The following WNT1 variants were observed in gnomAD, a reference collection of about 807,000 sequenced individuals.
WNT1 encodes the protein proto-oncogene Wnt-1.
WNT1 carries 10 observed loss-of-function variants against 21.3 expected under a neutral mutation model. That is an observed-to-expected ratio of 0.47 (90% CI 0.29 to 0.80). The LOEUF (loss-of-function observed/expected upper bound fraction) is 0.80. WNT1 is among the 30% of genes least tolerant of loss of function. WNT1 has a pLI of 0.09. For synonymous variants in WNT1, 208 were observed against 236.3 expected (o/e 0.88, Z 1.10); for missense variants, 476 against 534.1 (o/e 0.89, Z 1.07).
chr12:48,981,661 C>T lies in WNT1; in HGVS notation c.*21C>T, dbSNP rs1259352559. On this transcript the variant is annotated 3_prime_UTR_variant, in exon 4 of 4. Transcript: ENST00000293549. This position sits in a 1 kb window ranked among gnomAD's most constrained non-coding sequence, Gnocchi z 7.4. ...TGTGAGGCGCTGCGCGGACTCGCCC[C>T]CAGGAACGCTCTCCTCGAGCCCTCC... 1 of 1,426,092 alleles carries T rather than the reference C, an allele frequency of 7.0e-7. No individual in the cohort carries two copies. Among genetic ancestry groups the T allele is most frequent in the Non-Finnish European group, 9.1e-7 (1 of 1,094,216 alleles). 88.3% of individuals were successfully genotyped at this position (1,426,092 alleles called of 1,614,324 possible).
In WNT1 at chr12:48,981,301, C is replaced by T. The variant is rs760420626; in HGVS notation, c.774C>T (p.Tyr258=). 6.3e-7 allele frequency: 1 copy of T among 1,582,278 alleles called. No individual in the cohort carries two copies. The highest frequency in any genetic ancestry group is 1.4e-5 in the African/African-American group (1 of 73,464). The stretch of plus-strand genomic sequence containing the variant: ...TCGACGGCGCCTCGCGCGTCCTGTA[C>T]GGCAACCGCGGCAGCAACCGCGCTT... ...DRFDGASRVL[Y]GNRGSNRASR... Residue 258 remains tyrosine (Y), a synonymous_variant, in exon 4 of 4, where the codon TAC becomes TAT. Coordinates refer to ENST00000293549, the MANE Select transcript of WNT1 (RefSeq NM_005430.4). This position sits in a 1 kb window ranked among gnomAD's most constrained non-coding sequence, Gnocchi z 7.4.
chr12:48,979,558 C>A lies in WNT1; in HGVS notation c.195C>A (p.Ser65Arg). The change falls in exon 2 of 4, where the codon AGC (serine) becomes AGA (arginine). Residue 65 changes from serine (S) to arginine (R), a missense_variant. Ser to Arg is a moderately radical substitution (Grantham distance 110, BLOSUM62 -1). Coordinates refer to ENST00000293549, the MANE Select transcript of WNT1 (RefSeq NM_005430.4). This position sits in a 1 kb window ranked among gnomAD's most constrained non-coding sequence, Gnocchi z 6.0. ...LVLEPSLQLL[S>R]RKQRRLIRQN... The stretch of plus-strand genomic sequence containing the variant: ...TCGAGCCCAGTCTGCAGCTGTTGAG[C>A]CGCAAACAGCGGCGTCTGATACGCC... 1 of 1,614,130 alleles carries A rather than the reference C, an allele frequency of 6.2e-7. No homozygotes were observed. Among genetic ancestry groups the A allele is most frequent in the South Asian group, 1.1e-5 (1 of 91,092 alleles).
rs1940983403 is a variant in WNT1, at chr12:48,979,606, C to A, written c.243C>A (p.Ser81Arg). ...GCCAAAATCCGGGGATCCTGCACAG[C>A]GTGAGTGGGGGGCTGCAGAGTGCCG... ...LIRQNPGILH[S>R]VSGGLQSAVR... Residue 81 changes from serine to arginine, a missense_variant, in exon 2 of 4, where the codon AGC (serine) becomes AGA (arginine). Coordinates refer to ENST00000293549, the MANE Select transcript of WNT1 (RefSeq NM_005430.4). This position sits in a 1 kb window ranked among gnomAD's most constrained non-coding sequence, Gnocchi z 6.0. 1 of 1,613,974 alleles carries A rather than the reference C, an allele frequency of 6.2e-7. No individual in the cohort carries two copies. Among genetic ancestry groups the A allele is most frequent in the Admixed American group, 1.7e-5 (1 of 60,014 alleles).
Position 48,981,815 on chromosome 12 carries a change from T to G in WNT1, c.*175T>G. 1.1e-6 allele frequency: 1 copy of G among 921,630 alleles called. No individual in the cohort carries two copies. 57.1% of individuals were successfully genotyped at this position (921,630 alleles called of 1,614,324 possible). ...CCTACCTGGGGACTCCTCAAACCAC[T>G]TGCCTGGGGCGGCATGAACCCTCTT... On this transcript the variant is annotated 3_prime_UTR_variant, in exon 4 of 4. Coordinates refer to ENST00000293549, the MANE Select transcript of WNT1 (RefSeq NM_005430.4). The surrounding 1 kb of genome is among the most constrained non-coding windows in gnomAD (Gnocchi z 7.4).
In WNT1 at chr12:48,981,115, G is replaced by C; in HGVS notation, c.625-37G>C. On this transcript the variant is annotated intron_variant, in intron 3 of 3. Transcript: ENST00000293549. This position sits in a 1 kb window ranked among gnomAD's most constrained non-coding sequence, Gnocchi z 7.4. Reference sequence around the variant, plus strand: ...TGTCTGGGAGGGTGACTCTGGCCCGGTGCCCTGGGACACTCTTTCTTCCCC... The same window carrying C: ...TGTCTGGGAGGGTGACTCTGGCCCGCTGCCCTGGGACACTCTTTCTTCCCC... The C allele has an allele frequency of 6.2e-7, 1 of 1,604,152 alleles. No individual in the cohort carries two copies. The highest frequency in any genetic ancestry group is 8.5e-7 in the Non-Finnish European group (1 of 1,175,948).
At position 48,981,917 on chromosome 12, in the gene WNT1, T is replaced by G. The variant is rs894893088; in HGVS notation, c.*277T>G. On this transcript the variant is annotated 3_prime_UTR_variant, in exon 4 of 4. Coordinates refer to ENST00000293549, the MANE Select transcript of WNT1 (RefSeq NM_005430.4). This position sits in a 1 kb window ranked among gnomAD's most constrained non-coding sequence, Gnocchi z 7.4. ...ACCCCTTGTTGCACTGCCCCCTGCT[T>G]GGCCAGGAGGTGAGAGAAGGATGGG... Among the ~76,000 whole-genome samples, 1 of 152,192 alleles carries G rather than the reference T, an allele frequency of 6.6e-6. No homozygotes were observed. The highest frequency in any genetic ancestry group is 2.4e-5 in the African/African-American group (1 of 41,452).
In WNT1 at chr12:48,979,699, C is replaced by T. The variant is rs1196449312; in HGVS notation, c.336C>T (p.Leu112=). 1.9e-6 allele frequency: 3 copies of T among 1,595,588 alleles called. No individual in the cohort carries two copies. Among genetic ancestry groups the T allele is most frequent in the Non-Finnish European group, 2.6e-6 (3 of 1,166,534 alleles). ...WNCPTAPGPH[L]FGKIVNRGCR... Reference sequence around the variant, plus strand: ...GTCCCACTGCTCCAGGGCCCCACCTCTTCGGCAAGATCGTCAACCGAGGTG... The same window carrying T: ...GTCCCACTGCTCCAGGGCCCCACCTTTTCGGCAAGATCGTCAACCGAGGTG... Residue 112 remains leucine (L), a synonymous_variant, in exon 2 of 4, where the codon CTC becomes CTT. Coordinates refer to ENST00000293549, the MANE Select transcript of WNT1 (RefSeq NM_005430.4). The surrounding 1 kb of genome is among the most constrained non-coding windows in gnomAD (Gnocchi z 6.0).
At position 48,981,134 on chromosome 12, in the gene WNT1, C is replaced by T. The variant is rs1565721785; in HGVS notation, c.625-18C>T. The T allele has an allele frequency of 3.7e-6, 6 of 1,609,562 alleles. No homozygotes were observed. The highest frequency in any genetic ancestry group is 2.3e-5 in the East Asian group (1 of 44,424). ...GGCCCGGTGCCCTGGGACACTCTTT[C>T]TTCCCCTATCCCCGCAGACCGTATT... On this transcript the variant is annotated intron_variant, in intron 3 of 3. Coordinates refer to ENST00000293549, the MANE Select transcript of WNT1 (RefSeq NM_005430.4). The surrounding 1 kb of genome is among the most constrained non-coding windows in gnomAD (Gnocchi z 7.4).
Position 48,981,228 on chromosome 12 carries a change from T to C in WNT1, c.701T>C (p.Met234Thr). ...TCATGCACGGTGCGCACGTGCTGGA[T>C]GCGGCTGCCCACGCTGCGCGCCGTG... ...SGSCTVRTCW[M>T]RLPTLRAVGD... The change falls in exon 4 of 4, where the codon ATG (methionine) becomes ACG (threonine). Residue 234 changes from methionine to threonine, a missense_variant. Coordinates refer to ENST00000293549, the MANE Select transcript of WNT1 (RefSeq NM_005430.4). The surrounding 1 kb of genome is among the most constrained non-coding windows in gnomAD (Gnocchi z 7.4). 6.2e-7 allele frequency: 1 copy of C among 1,611,076 alleles called. No individual in the cohort carries two copies.
At position 48,979,759 on chromosome 12, in the gene WNT1, G is replaced by A; in HGVS notation, c.358+38G>A. The A allele has an allele frequency of 6.5e-7, 1 of 1,544,860 alleles. No homozygotes were observed. On this transcript the variant is annotated intron_variant, in intron 2 of 3. Coordinates refer to ENST00000293549, the MANE Select transcript of WNT1 (RefSeq NM_005430.4). This position sits in a 1 kb window ranked among gnomAD's most constrained non-coding sequence, Gnocchi z 6.0. Reference sequence around the variant, plus strand: ...GAAGGCGACGCTTCCGGGAGCAGGGGAAACGCGGGGTCACCCCCAGGGCAT... The same window carrying A: ...GAAGGCGACGCTTCCGGGAGCAGGGAAAACGCGGGGTCACCCCCAGGGCAT...
chr12:48,981,170 C>A lies in WNT1; in HGVS notation c.643C>A (p.Arg215Ser). ...AGRTTVFSEMRQECKCHGMSG... is the reference protein window; with the variant it reads ...AGRTTVFSEMSQECKCHGMSG... ...CCCGCAGACCGTATTCTCCGAGATG[C>A]GCCAGGAGTGCAAGTGCCACGGGAT... is the stretch of plus-strand genomic sequence containing the variant. Residue 215 changes from arginine (R) to serine (S), a missense_variant, in exon 4 of 4, where the codon CGC becomes AGC. Transcript: ENST00000293549. This position sits in a 1 kb window ranked among gnomAD's most constrained non-coding sequence, Gnocchi z 7.4. The A allele has an allele frequency of 1.2e-6, 2 of 1,612,212 alleles. No homozygotes were observed. Among genetic ancestry groups the A allele is most frequent in the Non-Finnish European group, 1.7e-6 (2 of 1,179,588 alleles).
In WNT1 at chr12:48,980,333, CGG is replaced by C. The variant is rs1940993047; in HGVS notation, c.359-87_359-86del. ...GCTCTCAGGACTCAAAGTGCGGAGT[CGG>C]GGGTGGGATTCCGGTCCCAAGCCCT... is the stretch of plus-strand genomic sequence containing the variant. On this transcript the variant is annotated intron_variant, in intron 2 of 3. Coordinates refer to ENST00000293549, the MANE Select transcript of WNT1 (RefSeq NM_005430.4). The surrounding 1 kb of genome is among the most constrained non-coding windows in gnomAD (Gnocchi z 7.0). 2.1e-6 allele frequency: 3 copies of C among 1,453,778 alleles called. No homozygotes were observed. Among genetic ancestry groups the C allele is most frequent in the Non-Finnish European group, 2.8e-6 (3 of 1,054,248 alleles). 90.1% of individuals were successfully genotyped at this position (1,453,778 alleles called of 1,614,324 possible). A position where few individuals can be genotyped will look rare whatever the true frequency, so the allele number is the denominator to read the frequency against.
rs1005471724 is a variant in WNT1 at position 48,980,919 on chromosome 12, T to C, written c.624+230T>C. Among the ~76,000 whole-genome samples the C allele has an allele frequency of 6.6e-6, 1 of 152,120 alleles. No homozygotes were observed. Among genetic ancestry groups the C allele is most frequent in the African/African-American group, 2.4e-5 (1 of 41,434 alleles). ...CAAATCAAGCACAGTCTCTTCGCTG[T>C]ACAGATTCGAAAAATAAGCCTGAGA... On this transcript the variant is annotated intron_variant, in intron 3 of 3. Coordinates refer to ENST00000293549, the MANE Select transcript of WNT1 (RefSeq NM_005430.4). The surrounding 1 kb of genome is among the most constrained non-coding windows in gnomAD (Gnocchi z 7.0).
chr12:48,979,389 A>G lies in WNT1; in HGVS notation c.105-79A>G, dbSNP rs1592256831. The G allele has an allele frequency of 1.3e-6, 2 of 1,498,164 alleles. No individual in the cohort carries two copies. Among genetic ancestry groups the G allele is most frequent in the South Asian group, 2.6e-5 (2 of 77,238 alleles). The allele number at this position is 1,498,164 out of a possible 1,614,324, so 92.8% of individuals were successfully genotyped here. On this transcript the variant is annotated intron_variant, in intron 1 of 3. Coordinates refer to ENST00000293549, the MANE Select transcript of WNT1 (RefSeq NM_005430.4). The surrounding 1 kb of genome is among the most constrained non-coding windows in gnomAD (Gnocchi z 6.0). The stretch of plus-strand genomic sequence containing the variant: ...TTCTCTCCAGCCACATACCCCCAGG[A>G]AGAGGACCGGGTGGCACAGTTTTTA...
Position 48,978,506 on chromosome 12 carries a change from G to T in WNT1, c.-145G>T. 6.2e-6 allele frequency: 4 copies of T among 643,464 alleles called. No homozygotes were observed. The allele number at this position is 643,464 out of a possible 1,614,324, so 39.9% of individuals were successfully genotyped here. On this transcript the variant is annotated 5_prime_UTR_variant, in exon 1 of 4. The change abolishes an upstream ATG in the 5' untranslated region. Coordinates refer to ENST00000293549, the MANE Select transcript of WNT1 (RefSeq NM_005430.4). This position sits in a 1 kb window ranked among gnomAD's most constrained non-coding sequence, Gnocchi z 7.4. The stretch of plus-strand genomic sequence containing the variant: ...CCCACCAGCCGGGACCGCGAGCCAT[G>T]CTGTCCGCCGCCCGCCCCCAGGGTT...
Position 48,978,858 on chromosome 12 carries a change from TC to T in WNT1, c.104+108del. 2.5e-6 allele frequency: 2 copies of T among 798,448 alleles called. No individual in the cohort carries two copies. Among genetic ancestry groups the T allele is most frequent in the Non-Finnish European group, 1.9e-6 (1 of 519,924 alleles). 49.5% of individuals were successfully genotyped at this position (798,448 alleles called of 1,614,324 possible). ...GGGATCCGTCTGCCGACAGGCTCCC[TC>T]CCCGCTCTGACTTCCCTCCGCGACA... is the stretch of plus-strand genomic sequence containing the variant. On this transcript the variant is annotated intron_variant, in intron 1 of 3. Transcript: ENST00000293549. This position sits in a 1 kb window ranked among gnomAD's most constrained non-coding sequence, Gnocchi z 7.4.
At position 48,981,675 on chromosome 12, in the gene WNT1, C is replaced by T. The variant is rs1399865300; in HGVS notation, c.*35C>T. The stretch of plus-strand genomic sequence containing the variant: ...CGGACTCGCCCCCAGGAACGCTCTC[C>T]TCGAGCCCTCCCCCAAACAGACTCG... On this transcript the variant is annotated 3_prime_UTR_variant, in exon 4 of 4. Transcript: ENST00000293549. This position sits in a 1 kb window ranked among gnomAD's most constrained non-coding sequence, Gnocchi z 7.4. 2 of 1,423,680 alleles carry T rather than the reference C, an allele frequency of 1.4e-6. No individual in the cohort carries two copies. The highest frequency in any genetic ancestry group is 1.5e-5 in the South Asian group (1 of 66,636). The allele number at this position is 1,423,680 out of a possible 1,614,324, so 88.2% of individuals were successfully genotyped here.
chr12:48,980,420 A>T lies in WNT1; in HGVS notation c.359-4A>T. On this transcript the variant is annotated splice_region_variant and splice_polypyrimidine_tract_variant and intron_variant, in intron 2 of 3. Transcript: ENST00000293549. This position sits in a 1 kb window ranked among gnomAD's most constrained non-coding sequence, Gnocchi z 7.0. ...TCGCTGATCCCCGCTCCCTTCTCCC[A>T]CAGGCTGTCGAGAAACGGCGTTTAT... is the stretch of plus-strand genomic sequence containing the variant. 1 of 1,614,096 alleles carries T rather than the reference A, an allele frequency of 6.2e-7. No homozygotes were observed. The highest frequency in any genetic ancestry group is 8.5e-7 in the Non-Finnish European group (1 of 1,180,014).
rs1565721354 is a variant in WNT1 at position 48,980,181 on chromosome 12, A to G, written c.359-243A>G. On this transcript the variant is annotated intron_variant, in intron 2 of 3. Transcript: ENST00000293549. The surrounding 1 kb of genome is among the most constrained non-coding windows in gnomAD (Gnocchi z 7.0). ...TCTCTGGGGCTGCTCCACTTCCGCT[A>G]TCGAGCCAAAATGCGCCCTAGAATC... Among the ~76,000 whole-genome samples, 5 of 152,196 alleles carry G rather than the reference A, an allele frequency of 3.3e-5. No homozygotes were observed. The highest frequency in any genetic ancestry group is 3.3e-4 in the Admixed American group (5 of 15,288).
Sources: allele counts gnomAD v4.1 joint callset (sites outside exome capture counted in the v4.1 genomes callset), GRCh38; gene constraint gnomAD v4.1.1; non-coding constraint Gnocchi (gnomAD v3.1); transcripts MANE v1.5; gene names NCBI Gene and HGNC (gene_info 2026-07-23, HGNC 2026-07-21).